The following ZFYVE28 variants were observed in gnomAD, a reference collection of about 807,000 sequenced individuals.
The protein encoded by ZFYVE28 is zinc finger FYVE-type containing 28.
ZFYVE28 carries 40 observed loss-of-function variants against 82.1 expected under a neutral mutation model. The ratio of observed to expected loss-of-function variants is 0.49; its 90% CI spans 0.38 to 0.63. The LOEUF is 0.63. Among genes scored for constraint, ZFYVE28 ranks in the 30% least tolerant of loss-of-function variants. ZFYVE28 has a pLI of 0.00. For synonymous variants in ZFYVE28, 612 were observed against 546.1 expected (o/e 1.12, Z -1.68); for missense variants, 1,321 against 1,242.1 (o/e 1.06, Z -0.96).
chr4:2,344,955 T>G lies in ZFYVE28; in HGVS notation c.181-3340A>C, dbSNP rs180752665. Among the ~76,000 whole-genome samples, 224 of 152,016 alleles carry G rather than the reference T, an allele frequency of 1.5e-3. 5 individuals are homozygous for G. The East Asian group carries it at 0.036, about 24-fold the overall frequency. ...GGCCAGGCGCGGTGGCTCACGCCTGTAATCCCAGCACTTGGGGAAGCCGAG... is the reference window on the plus strand; with the variant it reads ...GGCCAGGCGCGGTGGCTCACGCCTGGAATCCCAGCACTTGGGGAAGCCGAG... On this transcript the variant is annotated intron_variant, in intron 2 of 12. Coordinates refer to ENST00000290974, the MANE Select transcript of ZFYVE28 (RefSeq NM_020972.3).
intron 2 of ZFYVE28, among the ~76,000 whole-genome samples, chr4:2,350,306 T>C (rs570329115): frequency 3.3e-5 from 5 of 151,352 alleles, no homozygotes; most frequent in Non-Finnish European, 7.4e-5. Flanking sequence ...CTACTAAAAA[T>C]ACAAAAAATT....
intron 2 of ZFYVE28, among the ~76,000 whole-genome samples, chr4:2,344,158 G>A (rs1224110518): frequency 2.0e-5 from 3 of 152,230 alleles, no homozygotes; most frequent in Non-Finnish European, 2.9e-5. Flanking sequence ...TGGAACCAAG[G>A]CAGTTAGGAT....
intron 8 of ZFYVE28, among the ~76,000 whole-genome samples, chr4:2,279,512 G>A (rs940979676): frequency 1.1e-4 from 16 of 152,274 alleles, no homozygotes; most frequent in East Asian, 5.8e-4. Flanking sequence ...GGGTGCAGTG[G>A]CTCACACCTG....
chr4:2,406,027 C>T (rs1181627127), intron 1 of ZFYVE28, among the ~76,000 whole-genome samples: 3 of 136,240 alleles, frequency 2.2e-5, no homozygotes, highest in East Asian at 4.2e-4. Flanking sequence ...CCAGCCTGGG[C>T]CACAGAATGG....
rs1424143019 is a variant in ZFYVE28, at chr4:2,350,420, C to T, written c.180+3513G>A. ...CGGAACTTGGACTGAGCCGAGATCG[C>T]GCCACTGCACTCCAGCCTGGGCGAC... On this transcript the variant is annotated intron_variant, in intron 2 of 12. Coordinates refer to ENST00000290974, the MANE Select transcript of ZFYVE28 (RefSeq NM_020972.3). 5.3e-5 allele frequency among the ~76,000 whole-genome samples: 8 copies of T among 151,534 alleles called. No homozygotes were observed. The East Asian group carries it at 9.7e-4, about 18-fold the overall frequency.
At chr4:2,303,753 T>A (rs1049903894) in intron 8 of ZFYVE28, among the ~76,000 whole-genome samples, 1 of 152,180 alleles carries the variant, frequency 6.6e-6, no homozygotes, top group African/African-American at 2.4e-5. Flanking sequence ...AATTTGCCCA[T>A]GGGTGGTCTC....
chr4:2,325,168 G>A (rs1286591089), intron 6 of ZFYVE28: 8 of 151,220 alleles, frequency 5.3e-5, no homozygotes, highest in African/African-American at 2.0e-4. Flanking sequence ...AGCAAATGCT[G>A]AAGAGAAAAA....
intron 1 of ZFYVE28, among the ~76,000 whole-genome samples, chr4:2,359,624 C>A (rs1475919117): frequency 6.6e-6 from 1 of 152,216 alleles, no homozygotes; most frequent in Non-Finnish European, 1.5e-5. Context: ...CCAGCCCTGC[C>A]ACGCAGTAGT....
At chr4:2,356,720 C>T (rs931907104) in intron 1 of ZFYVE28, among the ~76,000 whole-genome samples, 3 of 152,226 alleles carry the variant, frequency 2.0e-5, no homozygotes, top group Non-Finnish European at 4.4e-5. Flanking sequence ...TCCTGCTCTA[C>T]TGCGTGGAAG....
At chr4:2,325,592 C>CTTTTTTTTTTTTTTTTTTT (rs58460729) in intron 6 of ZFYVE28, among the ~76,000 whole-genome samples, 2 of 122,230 alleles carry the variant, frequency 1.6e-5, no homozygotes, top group Non-Finnish European at 3.3e-5. Flanking sequence ...TTAAATCTTA[C>CTTTTTTTTTTTTTTTTTTT]TTTTTTTTTT....
intron 1 of ZFYVE28, among the ~76,000 whole-genome samples, chr4:2,381,555 C>G (rs1055845480): frequency 6.6e-6 from 1 of 152,112 alleles, no homozygotes; most frequent in Non-Finnish European, 1.5e-5. Flanking sequence ...TACAGGCACG[C>G]ACCACCATGC....
chr4:2,310,050 T>A (rs914231640), intron 7 of ZFYVE28, among the ~76,000 whole-genome samples: 26 of 152,146 alleles, frequency 1.7e-4, no homozygotes, highest in Non-Finnish European at 2.6e-4. Flanking sequence ...CTTTTTTTTT[T>A]AATTTTGAGA....
intron 12 of ZFYVE28, 27 bp downstream of exon 12, chr4:2,271,284 A>C (rs1735882936): frequency 6.2e-7 from 1 of 1,605,476 alleles, no homozygotes; most frequent in Non-Finnish European, 8.5e-7. Flanking sequence ...ATGCTGAGGG[A>C]CCCTCCGTGC....
At position 2,360,389 on chromosome 4, in the gene ZFYVE28, TCACACACACA is replaced by T. The variant is rs10545681; in HGVS notation, c.40-6326_40-6317del. Among the ~76,000 whole-genome samples the T allele has an allele frequency of 4.8e-4, 69 of 143,384 alleles. No homozygotes were observed. In the Middle Eastern group the frequency reaches 0.015, roughly 30 times the overall value. 94.1% of individuals were successfully genotyped at this position (143,384 alleles called of 152,430 possible). The stretch of plus-strand genomic sequence containing the variant: ...ACCATCTGCAAAAAGAGAGCTGTAA[TCACACACACA>T]CACACACACACACACACACACACAC... On this transcript the variant is annotated intron_variant, in intron 1 of 12. Coordinates refer to ENST00000290974, the MANE Select transcript of ZFYVE28 (RefSeq NM_020972.3).
intron 2 of ZFYVE28, among the ~76,000 whole-genome samples, chr4:2,351,200 G>C (rs1371574173): frequency 6.6e-6 from 1 of 152,062 alleles, no homozygotes. Flanking sequence ...GTTGAATAGA[G>C]GACCCCCACT....
intron 1 of ZFYVE28, among the ~76,000 whole-genome samples, chr4:2,412,995 A>T (rs1050233327): frequency 6.6e-6 from 1 of 152,008 alleles, no homozygotes; most frequent in Non-Finnish European, 1.5e-5. Context: ...TTTAACAGAA[A>T]CCATACCAGA....
intron 1 of ZFYVE28, among the ~76,000 whole-genome samples, chr4:2,356,466 G>A (rs982706144): frequency 3.6e-5 from 5 of 140,086 alleles, no homozygotes; most frequent in Admixed American, 1.5e-4. Context: ...CCCCCCGGCC[G>A]TTGGTGTGCT....
chr4:2,273,123 G>A (rs905338717), intron 10 of ZFYVE28, 50 bp downstream of exon 10: 9 of 1,466,036 alleles, frequency 6.1e-6, no homozygotes, highest in Admixed American at 1.8e-5. Flanking sequence ...TGTGGGCAGG[G>A]ACACGGCCAC....
At chr4:2,276,036 T>C (rs13130021) in intron 8 of ZFYVE28, among the ~76,000 whole-genome samples, 97,147 of 152,234 alleles carry the variant, frequency 0.64, 32,094 homozygotes, top group African/African-American at 0.81. Context: ...GTGGGAAACA[T>C]GCACAACTGC....
Sources: gnomAD v4.1 joint callset for allele counts (sites outside exome capture counted in the v4.1 genomes callset) on GRCh38, gnomAD v4.1.1 for gene constraint, MANE v1.5 for transcripts, NCBI Gene and HGNC (gene_info 2026-07-23, HGNC 2026-07-21) for gene names.